PCDHGA1: variants seen among roughly 807,000 people sequenced by gnomAD.
PCDHGA1 encodes the protein protocadherin gamma-A1.
Under a neutral mutation model 58.0 loss-of-function variants are expected in PCDHGA1, and 32 were observed. The observed-to-expected ratio is 0.55, with a 90% CI of 0.42 to 0.74. The LOEUF (loss-of-function observed/expected upper bound fraction) is 0.74. Among genes scored for constraint, PCDHGA1 ranks in the 30% least tolerant of loss-of-function variants. The pLI is 0.00. For synonymous variants in PCDHGA1, 498 were observed against 501.1 expected, an observed-to-expected ratio of 0.99 and a Z score of 0.08; for missense variants, 1,205 against 1,182.3, an observed-to-expected ratio of 1.02 and a Z score of -0.28.
intron 1 of PCDHGA1, chr5:141,478,819 C>G (rs927315523): frequency 2.1e-6 from 3 of 1,447,842 alleles, no homozygotes; most frequent in Non-Finnish European, 2.7e-6. Context: ...CACAACTAAC[C>G]AATCTTGCTA....
intron 1 of PCDHGA1, chr5:141,365,783 G>A: frequency 6.2e-7 from 1 of 1,613,842 alleles, no homozygotes; most frequent in Non-Finnish European, 8.5e-7. Flanking sequence ...CGGCGACAAC[G>A]CTCGAGTCAC....
At chr5:141,413,513 T>C (rs1369472337) in intron 1 of PCDHGA1, 34 of 1,613,974 alleles carry the variant, frequency 2.1e-5, no homozygotes, top group Non-Finnish European at 2.9e-5. Context: ...TTTAATATCC[T>C]TGTGGAAGAC....
rs2099710219 is a variant in PCDHGA1, at chr5:141,491,289, C to A, written c.2422-3518C>A. On this transcript the variant is annotated intron_variant, in intron 1 of 3. Transcript: ENST00000517417. The surrounding 1 kb of genome is among the most constrained non-coding windows in gnomAD (Gnocchi z 6.9). The stretch of plus-strand genomic sequence containing the variant: ...CCAAATCCAGTGACTTCCTCATACA[C>A]CCTCCTGAGCGTTCAGACCTTACCC... 1 of 1,614,112 alleles carries A rather than the reference C, an allele frequency of 6.2e-7. No homozygotes were observed. Among genetic ancestry groups the A allele is most frequent in the Non-Finnish European group, 8.5e-7 (1 of 1,179,942 alleles).
intron 1 of PCDHGA1, among the ~76,000 whole-genome samples, chr5:141,449,673 G>A (rs7725811): frequency 0.049 from 7,346 of 150,528 alleles, 281 homozygotes; most frequent in African/African-American, 0.1. Flanking sequence ...AAGTGTGTAT[G>A]TATATATGTT....
At chr5:141,346,410 A>C (rs1423837519) in intron 1 of PCDHGA1, 1 of 1,614,250 alleles carries the variant, frequency 6.2e-7, no homozygotes, top group Non-Finnish European at 8.5e-7. Flanking sequence ...GCCTCTTCTG[A>C]TAACTCAGGA....
intron 1 of PCDHGA1, chr5:141,471,546 G>T (rs1271594387): frequency 6.6e-6 from 1 of 152,202 alleles, no homozygotes; most frequent in African/African-American, 2.4e-5. Flanking sequence ...AGCATTTAAG[G>T]TTGCTTTGAC....
In PCDHGA1 at chr5:141,477,850, G is replaced by C. The variant is rs2099420608; in HGVS notation, c.2422-16957G>C. On this transcript the variant is annotated intron_variant, in intron 1 of 3. Coordinates refer to ENST00000517417, the MANE Select transcript of PCDHGA1 (RefSeq NM_018912.3). The surrounding 1 kb of genome is among the most constrained non-coding windows in gnomAD (Gnocchi z 4.9). Reference sequence around the variant, plus strand: ...CTCGGCCAGGTGGGAGCTCGGTGGAGATGCTGCCTCGAGGTACCTCAGCTG... The same window carrying C: ...CTCGGCCAGGTGGGAGCTCGGTGGACATGCTGCCTCGAGGTACCTCAGCTG... 6.2e-6 allele frequency: 10 copies of C among 1,613,328 alleles called. No individual in the cohort carries two copies. Among genetic ancestry groups the C allele is most frequent in the Non-Finnish European group, 7.6e-6 (9 of 1,179,812 alleles).
chr5:141,498,531 G>A (rs1384404653), intron 2 of PCDHGA1, among the ~76,000 whole-genome samples: 3 of 148,544 alleles, frequency 2.0e-5, no homozygotes, highest in Non-Finnish European at 4.4e-5. Context: ...CTGCCCTCCA[G>A]CCTGGTCTGG....
rs1259562533 is a variant in PCDHGA1 at position 141,482,788 on chromosome 5, G to T, written c.2422-12019G>T. 2.6e-5 allele frequency among the ~76,000 whole-genome samples: 4 copies of T among 152,184 alleles called. 1 individual carries two copies. Among genetic ancestry groups the T allele is most frequent in the Admixed American group, 2.6e-4 (4 of 15,278 alleles). ...TATCACTGAACCTTAAACTGTGTGTGTGGCCGGGTACGGTGGCTCATGCCT... is the reference window on the plus strand; with the variant it reads ...TATCACTGAACCTTAAACTGTGTGTTTGGCCGGGTACGGTGGCTCATGCCT... On this transcript the variant is annotated intron_variant, in intron 1 of 3. Transcript: ENST00000517417.
chr5:141,487,162 G>T lies in PCDHGA1; in HGVS notation c.2422-7645G>T, dbSNP rs2099640627. 6.2e-7 allele frequency: 1 copy of T among 1,613,496 alleles called. No individual in the cohort carries two copies. Among genetic ancestry groups the T allele is most frequent in the African/African-American group, 1.3e-5 (1 of 75,026 alleles). On this transcript the variant is annotated intron_variant, in intron 1 of 3. Transcript: ENST00000517417. This position sits in a 1 kb window ranked among gnomAD's most constrained non-coding sequence, Gnocchi z 5.0. ...TCTCTACCTCTGTTACTCTCTTAGTGTCCTTAGAGGAAGACACTCATCCAG... is the reference window on the plus strand; with the variant it reads ...TCTCTACCTCTGTTACTCTCTTAGTTTCCTTAGAGGAAGACACTCATCCAG...
In PCDHGA1 at chr5:141,490,658, T is replaced by A. The variant is rs776806248; in HGVS notation, c.2422-4149T>A. The A allele has an allele frequency of 8.1e-6, 13 of 1,614,204 alleles. No homozygotes were observed. The South Asian group carries it at 1.4e-4, about 18-fold the overall frequency. ...GAAAACCGGCCTCCGGGCTCCCTTC[T>A]TTGCACTGTGGCTGCCTCAGATCCA... On this transcript the variant is annotated intron_variant, in intron 1 of 3. Transcript: ENST00000517417. The surrounding 1 kb of genome is among the most constrained non-coding windows in gnomAD (Gnocchi z 5.4).
Position 141,432,433 on chromosome 5 carries a change from T to C in PCDHGA1, c.2422-62374T>C, listed in dbSNP as rs760107558. 10 of 1,613,996 alleles carry C rather than the reference T, an allele frequency of 6.2e-6. No individual in the cohort carries two copies. The South Asian group carries it at 8.8e-5, about 14-fold the overall frequency. ...TGTTCGTGCTGGACCAGAACGACAA[T>C]GCGCCCGAGATCCTGTACCCCGCCC... On this transcript the variant is annotated intron_variant, in intron 1 of 3. Transcript: ENST00000517417. This position sits in a 1 kb window ranked among gnomAD's most constrained non-coding sequence, Gnocchi z 6.0.
At chr5:141,412,792 C>T (rs1387029327) in intron 1 of PCDHGA1, among the ~76,000 whole-genome samples, 1 of 152,194 alleles carries the variant, frequency 6.6e-6, no homozygotes. Flanking sequence ...TCCACTTTAT[C>T]ACACCTCCCC....
chr5:141,356,031 G>A (rs759003895), intron 1 of PCDHGA1: 23 of 1,613,836 alleles, frequency 1.4e-5, no homozygotes, highest in Non-Finnish European at 1.6e-5. Flanking sequence ...ATGGAGACGT[G>A]ACGTATTCTT....
At chr5:141,453,481 TA>T (rs1178324090) in intron 1 of PCDHGA1, among the ~76,000 whole-genome samples, 1 of 151,928 alleles carries the variant, frequency 6.6e-6, no homozygotes, top group Non-Finnish European at 1.5e-5. Context: ...TCAAAACTAT[TA>T]AAAAAAGGTG....
rs1029546280 is a variant in PCDHGA1 at position 141,423,551 on chromosome 5, A to G, written c.2422-71256A>G. On this transcript the variant is annotated intron_variant, in intron 1 of 3. Coordinates refer to ENST00000517417, the MANE Select transcript of PCDHGA1 (RefSeq NM_018912.3). ...AGTCACCTGATTTTCCCCCAGCCCA[A>G]CTATGGGGACACGCTCATCAGCCAG... The G allele has an allele frequency of 2.5e-6, 4 of 1,613,498 alleles. No individual in the cohort carries two copies. The African/African-American group carries it at 5.3e-5, about 22-fold the overall frequency.
At chr5:141,408,164 A>C (rs2095051548) in intron 1 of PCDHGA1, 1 of 1,520,458 alleles carries the variant, frequency 6.6e-7, no homozygotes, top group African/African-American at 1.4e-5. Context: ...ACTTTCTCCA[A>C]CTGGAAAAGC....
chr5:141,339,494 A>G, intron 1 of PCDHGA1: 1 of 1,614,110 alleles, frequency 6.2e-7, no homozygotes, highest in Non-Finnish European at 8.5e-7. Context: ...ACTCAACCCA[A>G]ATGACCACTT....
intron 1 of PCDHGA1, chr5:141,399,919 G>A: frequency 6.2e-7 from 1 of 1,612,300 alleles, no homozygotes; most frequent in Non-Finnish European, 8.5e-7. Flanking sequence ...AGGACACAAC[G>A]CCTGGCTGTC....
Sources: gnomAD v4.1 joint callset for allele counts (sites outside exome capture counted in the v4.1 genomes callset) on GRCh38, gnomAD v4.1.1 for gene constraint, Gnocchi (gnomAD v3.1) non-coding constraint, MANE v1.5 for transcripts, NCBI Gene and HGNC (gene_info 2026-07-23, HGNC 2026-07-21) for gene names.